Variants in SEPSECS observed in about 807,000 individuals in gnomAD.
SEPSECS encodes the protein O-phosphoseryl-tRNA(Sec) selenium transferase.
Under a neutral mutation model 52.1 loss-of-function variants are expected in SEPSECS, and 42 were observed. The ratio of observed to expected loss-of-function variants is 0.81; its 90% CI spans 0.63 to 1.04. SEPSECS has a LOEUF of 1.04. SEPSECS is among the 50% of genes least tolerant of loss of function. SEPSECS has a pLI of 0.00. For missense variants in SEPSECS, 590 were observed against 610.6 expected, an observed-to-expected ratio of 0.97 and a Z score of 0.36; for synonymous variants, 216 against 211.4, an observed-to-expected ratio of 1.02 and a Z score of -0.19.
At chr4:25,127,852 A>G (rs953055099) in intron 8 of SEPSECS, among the ~76,000 whole-genome samples, 1 of 152,162 alleles carries the variant, frequency 6.6e-6, no homozygotes, top group East Asian at 1.9e-4. Context: ...ACATAATGTG[A>G]CCCAGCCAAT....
In SEPSECS at chr4:25,123,064, A is replaced by G. The variant is rs886306143; in HGVS notation, c.*867T>C. The G allele has an allele frequency of 2.0e-4, 30 of 152,282 alleles. No individual in the cohort carries two copies. The highest frequency in any genetic ancestry group is 6.3e-4 in the African/African-American group (26 of 41,566). The allele number at this position is 152,282 out of a possible 1,614,324, so 9.4% of individuals were successfully genotyped here. ...AAAATGCACCAGTGAGCACCATATA[A>G]AACAATTTATAATGACATGTTTGGA... On this transcript the variant is annotated 3_prime_UTR_variant, in exon 11 of 11. Coordinates refer to ENST00000382103, the MANE Select transcript of SEPSECS (RefSeq NM_016955.4).
intron 9 of SEPSECS, among the ~76,000 whole-genome samples, chr4:25,126,003 T>C (rs1728349726): frequency 6.6e-6 from 1 of 152,140 alleles, no homozygotes; most frequent in African/African-American, 2.4e-5. Flanking sequence ...GAATTTCCAA[T>C]ATCAGCCTTC....
chr4:25,120,164 A>C lies in SEPSECS; in HGVS notation c.*3767T>G, dbSNP rs1486930032. 4 of 152,272 alleles carry C rather than the reference A, an allele frequency of 2.6e-5. No homozygotes were observed. The highest frequency in any genetic ancestry group is 7.2e-5 in the African/African-American group (3 of 41,562). 9.4% of individuals were successfully genotyped at this position (152,272 alleles called of 1,614,324 possible). A position where few individuals can be genotyped will look rare whatever the true frequency, so the allele number is the denominator to read the frequency against. ...TCAGCTTCATATTCTCATGGCTAAA[A>C]TCCCCCACGGTTATACAGTTAAGCA... On this transcript the variant is annotated 3_prime_UTR_variant, in exon 11 of 11. Coordinates refer to ENST00000382103, the MANE Select transcript of SEPSECS (RefSeq NM_016955.4).
intron 8 of SEPSECS, among the ~76,000 whole-genome samples, chr4:25,129,426 C>G (rs957028494): frequency 6.8e-6 from 1 of 148,022 alleles, no homozygotes; most frequent in Admixed American, 6.8e-5. Context: ...GAGTTCGAGA[C>G]CAGCCTGGCC....
chr4:25,154,963 A>G (rs755952390), intron 5 of SEPSECS, 35 bp downstream of exon 5: 24 of 1,603,176 alleles, frequency 1.5e-5, no homozygotes, highest in Non-Finnish European at 1.8e-5. Flanking sequence ...AAAGACTGAT[A>G]AACAGCTAAA....
intron 9 of SEPSECS, 35 bp downstream of exon 9, chr4:25,127,229 A>G (rs2109485207): frequency 1.5e-6 from 2 of 1,341,966 alleles, no homozygotes; most frequent in South Asian, 2.3e-5. Flanking sequence ...AGTGGATCAT[A>G]AGTATTTGTT....
chr4:25,131,543 G>A lies in SEPSECS; in HGVS notation c.1027-4186C>T, dbSNP rs115831497. On this transcript the variant is annotated intron_variant, in intron 8 of 10. Coordinates refer to ENST00000382103, the MANE Select transcript of SEPSECS (RefSeq NM_016955.4). ...CTAAAAGGATCCAGGAGCAAGTGGCGAATCTTGCCTCAGAGGCTACACCCA... is the reference window on the plus strand; with the variant it reads ...CTAAAAGGATCCAGGAGCAAGTGGCAAATCTTGCCTCAGAGGCTACACCCA... Among the ~76,000 whole-genome samples the A allele has an allele frequency of 9.6e-3, 1,466 of 152,246 alleles. 26 individuals carry two copies. The highest frequency in any genetic ancestry group is 0.033 in the African/African-American group (1,373 of 41,548).
intron 4 of SEPSECS, 69 bp from the exon 5 acceptor site, chr4:25,155,220 G>A: frequency 6.6e-7 from 1 of 1,517,514 alleles, no homozygotes. Flanking sequence ...GAAACTCTAG[G>A]AAGCATGCTA....
intron 8 of SEPSECS, among the ~76,000 whole-genome samples, chr4:25,127,703 C>A (rs1036435135): frequency 6.6e-6 from 1 of 152,102 alleles, no homozygotes; most frequent in African/African-American, 2.4e-5. Context: ...GATTTTTCTG[C>A]CTGTTCTCCA....
Position 25,160,316 on chromosome 4 carries a change from C to A in SEPSECS, c.54G>T (p.Val18=). ...AGCGGCGGGCCTCACAGCCCTGCCG[C>A]ACGTAAGCCGGCGACACCAGCCGCT... ...AGERLVSPAY[V]RQGCEARRSH... Residue 18 remains valine (V), a synonymous_variant, in exon 1 of 11, where the codon GTG becomes GTT. Coordinates refer to ENST00000382103, the MANE Select transcript of SEPSECS (RefSeq NM_016955.4). The A allele has an allele frequency of 6.5e-7, 1 of 1,549,118 alleles. No individual in the cohort carries two copies. Among genetic ancestry groups the A allele is most frequent in the Admixed American group, 2.0e-5 (1 of 51,032 alleles).
chr4:25,137,049 T>TA (rs1364628493), intron 8 of SEPSECS, among the ~76,000 whole-genome samples: 15 of 152,118 alleles, frequency 9.9e-5, no homozygotes, highest in African/African-American at 3.6e-4. Flanking sequence ...CCTTACACCT[T>TA]AGACAAAAAT....
At chr4:25,131,907 C>G (rs1323748685) in intron 8 of SEPSECS, among the ~76,000 whole-genome samples, 1 of 152,226 alleles carries the variant, frequency 6.6e-6, no homozygotes, top group African/African-American at 2.4e-5. Context: ...AGAAGCAAAA[C>G]AGAAGTGAGG....
At chr4:25,143,279 T>C (rs1347303159) in intron 8 of SEPSECS, among the ~76,000 whole-genome samples, 1 of 152,310 alleles carries the variant, frequency 6.6e-6, no homozygotes, top group Non-Finnish European at 1.5e-5. Flanking sequence ...TTGACAAATA[T>C]ATACAGTCAT....
intron 8 of SEPSECS, among the ~76,000 whole-genome samples, chr4:25,132,316 C>T (rs1464171967): frequency 6.6e-6 from 1 of 152,088 alleles, no homozygotes; most frequent in African/African-American, 2.4e-5. Context: ...TACACAATAA[C>T]ACCAATAATA....
chr4:25,145,041 A>T lies in SEPSECS; in HGVS notation c.897T>A (p.Asn299Lys). Residue 299 changes from asparagine (N) to lysine (K), a missense_variant, in exon 7 of 11, where the codon AAT (asparagine) becomes AAA (lysine). Asn to Lys is a moderately conservative substitution (Grantham distance 94). Transcript: ENST00000382103. ...PVGGAIIAGF[N>K]DSFIQEISKM... ...TGCTGATTTCCTGAATGAATGAATC[A>T]TTAAAGCCAGCAATTATAGCACCAC... is the stretch of plus-strand genomic sequence containing the variant. 2.5e-6 allele frequency: 4 copies of T among 1,614,000 alleles called. No individual in the cohort carries two copies. The highest frequency in any genetic ancestry group is 3.4e-6 in the Non-Finnish European group (4 of 1,179,926).
chr4:25,154,638 T>A (rs911268918), intron 5 of SEPSECS, among the ~76,000 whole-genome samples: 1 of 152,082 alleles, frequency 6.6e-6, no homozygotes, highest in Non-Finnish European at 1.5e-5. Context: ...TTAATACTGA[T>A]AGCAATGAAA....
intron 8 of SEPSECS, among the ~76,000 whole-genome samples, chr4:25,130,650 A>G (rs1332731893): frequency 6.6e-6 from 1 of 152,210 alleles, no homozygotes; most frequent in Admixed American, 6.5e-5. Context: ...CAATAAGCAA[A>G]TATGTTTTAA....
At chr4:25,155,616 A>G (rs981704733) in intron 4 of SEPSECS, among the ~76,000 whole-genome samples, 1 of 152,190 alleles carries the variant, frequency 6.6e-6, no homozygotes, top group Non-Finnish European at 1.5e-5. Flanking sequence ...GAAACAAATC[A>G]CAATCATCTA....
intron 10 of SEPSECS, chr4:25,125,386 T>C: frequency 3.4e-6 from 1 of 291,186 alleles, no homozygotes. Flanking sequence ...ATAATGTGAC[T>C]TGCTGAAGAT....
Sources: gnomAD v4.1 joint callset for allele counts (sites outside exome capture counted in the v4.1 genomes callset) on GRCh38, gnomAD v4.1.1 for gene constraint, MANE v1.5 for transcripts, NCBI Gene and HGNC (gene_info 2026-07-23, HGNC 2026-07-21) for gene names.